The following DIP2C variants were observed in gnomAD, a reference collection of about 807,000 sequenced individuals.
DIP2C encodes the protein DIP2 acetate--CoA ligase C (putative).
A neutral mutation model predicts 192.4 loss-of-function variants in DIP2C; 33 were observed. The observed-to-expected ratio is 0.17, with a 90% CI of 0.13 to 0.23. DIP2C has a LOEUF of 0.23. Ranked by LOEUF, DIP2C falls within the 10% of genes least tolerant of loss-of-function variation. DIP2C has a pLI of 1.00. For missense variants in DIP2C, 1,537 were observed against 2,110.1 expected (o/e 0.73, Z 5.32); for synonymous variants, 979 against 864.1 (o/e 1.13, Z -2.33).
intron 3 of DIP2C, among the ~76,000 whole-genome samples, chr10:469,725 T>C (rs928860446): frequency 2.0e-5 from 3 of 152,192 alleles, no homozygotes; most frequent in African/African-American, 4.8e-5. Context: ...CTTCAAACCC[T>C]GACTGGCCCC....
chr10:670,486 TGA>T (rs1276583785), intron 1 of DIP2C, among the ~76,000 whole-genome samples: 12 of 152,276 alleles, frequency 7.9e-5, no homozygotes, highest in African/African-American at 2.9e-4. Flanking sequence ...AAGTGAGAAT[TGA>T]GATGGATGTT....
intron 31 of DIP2C, among the ~76,000 whole-genome samples, chr10:312,355 T>C (rs1386188108): frequency 6.6e-6 from 1 of 152,226 alleles, no homozygotes; most frequent in African/African-American, 2.4e-5. Flanking sequence ...CTTAGCTGTC[T>C]TTCCCAAATA....
At chr10:384,458 G>C (rs1962694306) in intron 15 of DIP2C, 88 bp downstream of exon 15, 1 of 1,358,624 alleles carries the variant, frequency 7.4e-7, no homozygotes, top group Admixed American at 1.8e-5. Flanking sequence ...GGGTGGTCTG[G>C]AACTCCTGAC....
At chr10:677,022 C>T (rs747192287) in intron 1 of DIP2C, among the ~76,000 whole-genome samples, 3 of 152,132 alleles carry the variant, frequency 2.0e-5, no homozygotes, top group Non-Finnish European at 2.9e-5. Context: ...ACATGACAAA[C>T]ATGTATTGAA....
At chr10:576,627 G>A (rs989755840) in intron 1 of DIP2C, among the ~76,000 whole-genome samples, 1 of 152,174 alleles carries the variant, frequency 6.6e-6, no homozygotes, top group Non-Finnish European at 1.5e-5. Flanking sequence ...CAGAAGATCA[G>A]GCCAGGGATG....
At chr10:557,484 T>C (rs1259192175) in intron 1 of DIP2C, among the ~76,000 whole-genome samples, 1 of 151,478 alleles carries the variant, frequency 6.6e-6, no homozygotes, top group East Asian at 2.0e-4. Context: ...TGATGGCCTC[T>C]GCTGGCCTCA....
intron 22 of DIP2C, among the ~76,000 whole-genome samples, chr10:360,306 AAG>A (rs1006593227): frequency 2.0e-5 from 3 of 152,042 alleles, no homozygotes; most frequent in Non-Finnish European, 4.4e-5. Flanking sequence ...TCCCCTGTTG[AAG>A]AGAGGTGGGC....
At chr10:302,624 C>T (rs1042007873) in intron 32 of DIP2C, among the ~76,000 whole-genome samples, 1 of 152,194 alleles carries the variant, frequency 6.6e-6, no homozygotes, top group Non-Finnish European at 1.5e-5. Context: ...AGTGGACCTA[C>T]ACACACTGGG....
intron 9 of DIP2C, 79 bp from the exon 10 acceptor site, chr10:399,298 G>C: frequency 9.1e-7 from 1 of 1,099,084 alleles, no homozygotes; most frequent in Admixed American, 1.8e-5. Flanking sequence ...CTTGGTTCTA[G>C]GTGAGAGGGC....
chr10:379,155 G>A (rs1392092908), intron 17 of DIP2C, among the ~76,000 whole-genome samples: 4 of 124,680 alleles, frequency 3.2e-5, no homozygotes, highest in East Asian at 2.4e-4. Flanking sequence ...CATACCCATC[G>A]CCAGGGCTGC....
At chr10:566,577 C>A (rs567533374) in intron 1 of DIP2C, among the ~76,000 whole-genome samples, 4 of 152,372 alleles carry the variant, frequency 2.6e-5, no homozygotes, top group African/African-American at 9.6e-5. Context: ...GGTGTCAGCA[C>A]CTTTTCCTGC....
chr10:327,278 C>A, intron 30 of DIP2C, 102 bp from the exon 31 acceptor site: 1 of 1,373,840 alleles, frequency 7.3e-7, no homozygotes, highest in South Asian at 1.5e-5. Context: ...TTGGAAAACT[C>A]AACACAGCTA....
chr10:501,729 A>C (rs1845244048), intron 1 of DIP2C, among the ~76,000 whole-genome samples: 1 of 152,182 alleles, frequency 6.6e-6, no homozygotes, highest in South Asian at 2.1e-4. Flanking sequence ...AATTCAACAC[A>C]TAGGCACCGC....
Position 482,402 on chromosome 10 carries a change from G to A in DIP2C, c.157+4057C>T, listed in dbSNP as rs554182006. ...CACGCGACCCCATGATGGAAAAAGT[G>A]TGGGGCTTAACTCACACTGACCACG... is the stretch of plus-strand genomic sequence containing the variant. On this transcript the variant is annotated intron_variant, in intron 2 of 36. Transcript: ENST00000280886. Among the ~76,000 whole-genome samples, 17 of 152,278 alleles carry A rather than the reference G, an allele frequency of 1.1e-4. No homozygotes were observed. In the Middle Eastern group the frequency reaches 0.01, roughly 91 times the overall value.
chr10:289,204 T>G (rs1483403937), intron 32 of DIP2C, among the ~76,000 whole-genome samples: 1 of 151,240 alleles, frequency 6.6e-6, no homozygotes. Context: ...GCCTCCCACC[T>G]GGGGACAGGG....
chr10:445,545 TCA>T (rs1443741028), intron 3 of DIP2C, among the ~76,000 whole-genome samples: 1 of 151,030 alleles, frequency 6.6e-6, no homozygotes, highest in Non-Finnish European at 1.5e-5. Context: ...GCGAAGAGTC[TCA>T]CAGTCCACTG....
At chr10:676,116 C>T (rs1347833794) in intron 1 of DIP2C, among the ~76,000 whole-genome samples, 1 of 152,098 alleles carries the variant, frequency 6.6e-6, no homozygotes, top group Non-Finnish European at 1.5e-5. Flanking sequence ...CAAACACAAA[C>T]CAATAAACAC....
intron 1 of DIP2C, among the ~76,000 whole-genome samples, chr10:537,319 TCAAA>T (rs1370091794): frequency 6.6e-6 from 1 of 152,150 alleles, no homozygotes; most frequent in Non-Finnish European, 1.5e-5. Flanking sequence ...GGTAAATGAC[TCAAA>T]CAGAGCAAGT....
chr10:637,060 G>A (rs1233275405), intron 1 of DIP2C, among the ~76,000 whole-genome samples: 1 of 152,264 alleles, frequency 6.6e-6, no homozygotes, highest in East Asian at 1.9e-4. Context: ...CAGGCGTGGG[G>A]CAAGAACAGG....
Sources: gnomAD v4.1 joint callset for allele counts (sites outside exome capture counted in the v4.1 genomes callset) on GRCh38, gnomAD v4.1.1 for gene constraint, MANE v1.5 for transcripts, NCBI Gene and HGNC (gene_info 2026-07-23, HGNC 2026-07-21) for gene names.